Variants in CALN1 observed in about 807,000 individuals in gnomAD.
CALN1 encodes the protein calcium-binding protein 8.
In CALN1, 17 loss-of-function variants were observed where a neutral mutation model predicts 30.6. The observed-to-expected ratio is 0.56, with a 90% confidence interval of 0.38 to 0.83. CALN1 has a LOEUF of 0.83. Among genes scored for constraint, CALN1 ranks in the 40% least tolerant of loss-of-function variants. The pLI, the probability that CALN1 is intolerant of heterozygous loss-of-function variation, is 0.00. For synonymous variants in CALN1, 156 were observed against 131.4 expected, an observed-to-expected ratio of 1.19 and a Z score of -1.28; for missense variants, 291 against 354.9, an observed-to-expected ratio of 0.82 and a Z score of 1.45.
intron 2 of CALN1, among the ~76,000 whole-genome samples, chr7:72,308,470 T>C (rs1432572436): frequency 2.0e-5 from 3 of 150,062 alleles, no homozygotes; most frequent in Non-Finnish European, 4.4e-5. Flanking sequence ...TTGGATGCAA[T>C]GCCCTCCCAG....
At chr7:71,850,125 A>G (rs752327327) in intron 5 of CALN1, among the ~76,000 whole-genome samples, 3 of 152,226 alleles carry the variant, frequency 2.0e-5, no homozygotes, top group Admixed American at 1.3e-4. Context: ...TCAAATGTCC[A>G]TCATTAGAAA....
intron 2 of CALN1, among the ~76,000 whole-genome samples, chr7:72,281,185 A>ATT (rs1326604955): frequency 6.6e-6 from 1 of 151,346 alleles, no homozygotes; most frequent in East Asian, 1.9e-4. Context: ...TGCCTCTTTC[A>ATT]TTCTCTCTCT....
chr7:72,392,427 G>A (rs1805634201), intron 2 of CALN1, among the ~76,000 whole-genome samples: 1 of 152,166 alleles, frequency 6.6e-6, no homozygotes, highest in Non-Finnish European at 1.5e-5. Context: ...CTCCTGTACG[G>A]CCACATGGTT....
chr7:72,372,283 C>T (rs1804293315), intron 2 of CALN1, among the ~76,000 whole-genome samples: 1 of 152,120 alleles, frequency 6.6e-6, no homozygotes, highest in South Asian at 2.1e-4. Flanking sequence ...CCTTACTCTC[C>T]AGTAAGATAA....
chr7:72,401,834 G>A (rs371862958), intron 2 of CALN1, among the ~76,000 whole-genome samples: 3 of 152,212 alleles, frequency 2.0e-5, no homozygotes, highest in Non-Finnish European at 2.9e-5. Flanking sequence ...CCAGCTTTCT[G>A]TAAGGCAGCC....
intron 5 of CALN1, among the ~76,000 whole-genome samples, chr7:71,853,593 T>TA (rs1562841955): frequency 1.3e-5 from 2 of 151,926 alleles, no homozygotes; most frequent in Non-Finnish European, 2.9e-5. Flanking sequence ...TTTTTTTTTT[T>TA]ATTTGAGACA....
intron 2 of CALN1, among the ~76,000 whole-genome samples, chr7:72,287,612 A>T (rs1430576000): frequency 1.3e-5 from 2 of 151,690 alleles, no homozygotes; most frequent in Non-Finnish European, 2.9e-5. Context: ...ACGCACGGCT[A>T]ATTTTTTGTA....
In CALN1 at chr7:71,780,602, C is replaced by T. The variant is rs1308519597; in HGVS notation, c.*7173G>A. On this transcript the variant is annotated 3_prime_UTR_variant, in exon 7 of 7. Transcript: ENST00000395275. Reference sequence around the variant, plus strand: ...CCGCGACTGTTAATCTAATTCCTCACAATCACCAAAGATCACGACTCTCTT... The same window carrying T: ...CCGCGACTGTTAATCTAATTCCTCATAATCACCAAAGATCACGACTCTCTT... The T allele has an allele frequency of 1.3e-5, 2 of 151,778 alleles. No individual in the cohort carries two copies. Among genetic ancestry groups the T allele is most frequent in the Admixed American group, 1.3e-4 (2 of 15,196 alleles). The allele number at this position is 151,778 out of a possible 1,614,324, so 9.4% of individuals were successfully genotyped here. A position where few individuals can be genotyped will look rare whatever the true frequency, so the allele number is the denominator to read the frequency against.
At chr7:72,389,165 G>A (rs1035217871) in intron 2 of CALN1, among the ~76,000 whole-genome samples, 1 of 152,098 alleles carries the variant, frequency 6.6e-6, no homozygotes, top group African/African-American at 2.4e-5. Context: ...GGTCTCCATG[G>A]CGGGGCAACG....
intron 3 of CALN1, among the ~76,000 whole-genome samples, chr7:72,203,999 T>A (rs1387010932): frequency 9.3e-6 from 1 of 107,652 alleles, no homozygotes; most frequent in Non-Finnish European, 1.9e-5. Context: ...TTTTTTTTTT[T>A]TTTTTTTTTT....
At chr7:72,290,097 A>AT (rs1562845105) in intron 2 of CALN1, among the ~76,000 whole-genome samples, 1 of 84,606 alleles carries the variant, frequency 1.2e-5, no homozygotes, top group African/African-American at 4.1e-5. Flanking sequence ...AAAAAAAAAA[A>AT]AAAAAAAAAA....
At chr7:72,183,444 G>A (rs983292657) in intron 3 of CALN1, among the ~76,000 whole-genome samples, 2 of 152,094 alleles carry the variant, frequency 1.3e-5, no homozygotes, top group African/African-American at 4.8e-5. Flanking sequence ...CTGCCAGGTA[G>A]AAAAAAAGGA....
At chr7:71,990,412 C>A (rs1049826665) in intron 5 of CALN1, among the ~76,000 whole-genome samples, 5 of 152,050 alleles carry the variant, frequency 3.3e-5, no homozygotes, top group Admixed American at 3.3e-4. Context: ...AATACTCAAT[C>A]GAGCAGCCCA....
At chr7:72,033,009 A>G (rs1238148226) in intron 4 of CALN1, among the ~76,000 whole-genome samples, 1 of 152,156 alleles carries the variant, frequency 6.6e-6, no homozygotes. Flanking sequence ...TTCTTTTATC[A>G]CTCTTGAATG....
intron 4 of CALN1, among the ~76,000 whole-genome samples, chr7:72,063,764 T>C (rs146491719): frequency 2.0e-4 from 31 of 152,276 alleles, no homozygotes; most frequent in Non-Finnish European, 4.3e-4. Flanking sequence ...GGAAAGGAAA[T>C]GCTCATTGGG....
intron 4 of CALN1, among the ~76,000 whole-genome samples, chr7:72,060,149 GT>G (rs1382070290): frequency 2.0e-5 from 3 of 152,118 alleles, no homozygotes; most frequent in African/African-American, 7.2e-5. Flanking sequence ...TTCAGAGAGA[GT>G]GGGGGAAATA....
chr7:72,473,488 C>G, the CALN1 span, among the ~76,000 whole-genome samples: 5 of 152,190 alleles, frequency 3.3e-5, no homozygotes, highest in Admixed American at 2.6e-4. Flanking sequence ...GCTGATATCA[C>G]CATCGAAGTA....
intron 3 of CALN1, among the ~76,000 whole-genome samples, chr7:72,218,824 T>C (rs1010741149): frequency 2.0e-5 from 3 of 152,190 alleles, no homozygotes; most frequent in African/African-American, 7.2e-5. Flanking sequence ...AGCACGGTTT[T>C]CCTCTGAAGG....
chr7:72,124,724 C>CA (rs374094874), intron 3 of CALN1, among the ~76,000 whole-genome samples: 1,740 of 127,562 alleles, frequency 0.014, 26 homozygotes, highest in African/African-American at 0.04. Flanking sequence ...ATTGACATAT[C>CA]AAAAAAAAAA....
Sources: gnomAD v4.1 joint callset for allele counts (sites outside exome capture counted in the v4.1 genomes callset) on GRCh38, gnomAD v4.1.1 for gene constraint, MANE v1.5 for transcripts, NCBI Gene and HGNC (gene_info 2026-07-23, HGNC 2026-07-21) for gene names.